Variants in FOXA2 observed in about 807,000 individuals in gnomAD.
FOXA2 encodes the protein hepatocyte nuclear factor 3-beta.
Under a neutral mutation model 33.3 loss-of-function variants are expected in FOXA2, and 9 were observed. That is an observed-to-expected ratio of 0.27 (90% CI 0.16 to 0.47). The LOEUF is 0.47. Ranked by LOEUF, FOXA2 falls within the 20% of genes least tolerant of loss-of-function variation. FOXA2 has a pLI of 0.99. For missense variants in FOXA2, 704 were observed against 659.9 expected (o/e 1.07, Z -0.73); for synonymous variants, 329 against 289.4 (o/e 1.14, Z -1.39).
At position 22,582,189 on chromosome 20, in the gene FOXA2, G is replaced by C. The variant is rs562230926; in HGVS notation, c.1053C>G (p.Ala351=). The C allele has an allele frequency of 2.1e-4, 330 of 1,551,538 alleles. 2 individuals carry two copies. In the South Asian group the frequency reaches 3.7e-3, roughly 17 times the overall value. ...PAPSPGQQQQ[A]AAHLLGPPHH... is the part of the protein sequence containing the mutation. ...GGGGCGGGCCCAGCAGGTGGGCCGC[G>C]GCCTGCTGCTGCTGCCCGGGAGAGG... is the stretch of plus-strand genomic sequence containing the variant. Residue 351 remains alanine (A), a synonymous_variant, in exon 2 of 2, where the codon GCC becomes GCG. Coordinates refer to ENST00000419308, the MANE Select transcript of FOXA2 (RefSeq NM_021784.5).
intron 1 of FOXA2, among the ~76,000 whole-genome samples, chr20:22,583,403 C>A (rs1426308663): frequency 3.3e-5 from 5 of 152,232 alleles, no homozygotes; most frequent in Non-Finnish European, 5.9e-5. Context: ...TTCTCCACCT[C>A]GCCCAGATTC....
Position 22,582,831 on chromosome 20 carries a change from G to T in FOXA2, c.411C>A (p.Asn137Lys), listed in dbSNP as rs370472927. ...MGGLAPYANM[N>K]SMSPMYGQAG... The stretch of plus-strand genomic sequence containing the variant: ...CCTGCCCGTACATGGGGCTCATGGA[G>T]TTCATGTTGGCGTAGGGGGCCAGGC... Residue 137 changes from asparagine (N) to lysine (K), a missense_variant, in exon 2 of 2, where the codon AAC (asparagine) becomes AAA (lysine). Around this residue, in one of 5 missense-constraint regions of FOXA2, gnomAD observed 304 missense variants for 251.7 expected, o/e 1.21. Transcript: ENST00000419308. The T allele has an allele frequency of 2.5e-6, 4 of 1,608,846 alleles. No homozygotes were observed. The African/African-American group carries it at 4.0e-5, about 16-fold the overall frequency.
Position 22,581,974 on chromosome 20 carries a change from G to C in FOXA2, c.1268C>G (p.Pro423Arg). The stretch of plus-strand genomic sequence containing the variant: ...GCCCATGGCCAAGCTGCCAGGCATG[G>C]GGGAACCGTAGCCGGGGTAGTGCAT... ...QVMHYPGYGS[P>R]MPGSLAMGPV... The change falls in exon 2 of 2, where the codon CCC becomes CGC. Residue 423 changes from proline to arginine, a missense_variant. Coordinates refer to ENST00000419308, the MANE Select transcript of FOXA2 (RefSeq NM_021784.5). 6.2e-7 allele frequency: 1 copy of C among 1,613,680 alleles called. No homozygotes were observed.
rs759502002 is a variant in FOXA2, at chr20:22,581,716, G to C, written c.*134C>G. On this transcript the variant is annotated 3_prime_UTR_variant, in exon 2 of 2. Transcript: ENST00000419308. ...AGACTGCTGTCTTGGGGGTGTTGGG[G>C]TGGGGGTGTTATGGATTTCTTCTCC... 1.6e-5 allele frequency: 13 copies of C among 807,976 alleles called. No homozygotes were observed. The highest frequency in any genetic ancestry group is 2.7e-5 in the Non-Finnish European group (13 of 488,978). 50.1% of individuals were successfully genotyped at this position (807,976 alleles called of 1,614,324 possible).
chr20:22,582,443 G>A lies in FOXA2; in HGVS notation c.799C>T (p.Leu267=). ...RQKRFKCEKQ[L]ALKEAAGAAG... is the part of the protein sequence containing the mutation. ...GCGCCTGCGGCCTCCTTCAGCGCCA[G>A]CTGCTTCTCGCACTTGAAGCGCTTC... The change falls in exon 2 of 2, where the codon CTG becomes TTG. Residue 267 remains leucine, a synonymous_variant. Coordinates refer to ENST00000419308, the MANE Select transcript of FOXA2 (RefSeq NM_021784.5). 6.2e-7 allele frequency: 1 copy of A among 1,607,750 alleles called. No individual in the cohort carries two copies. Among genetic ancestry groups the A allele is most frequent in the African/African-American group, 1.3e-5 (1 of 74,768 alleles).
upstream of FOXA2, among the ~76,000 whole-genome samples, chr20:22,585,007 GC>G (rs568239960): frequency 4.3e-3 from 659 of 152,216 alleles, 6 homozygotes; most frequent in African/African-American, 0.015. Flanking sequence ...CGGGTCCACA[GC>G]GAGTCCCCTG....
rs1244061186 is a variant in FOXA2, at chr20:22,584,359, A to G, written c.-81T>C. The G allele has an allele frequency of 7.4e-5, 88 of 1,195,102 alleles. No homozygotes were observed. Among genetic ancestry groups the G allele is most frequent in the Non-Finnish European group, 1.0e-4 (83 of 821,740 alleles). The allele number at this position is 1,195,102 out of a possible 1,614,324, so 74.0% of individuals were successfully genotyped here. A position where few individuals can be genotyped will look rare whatever the true frequency, so the allele number is the denominator to read the frequency against. ...ACCCTCTTTTAAAAAAAAGTCAGCC[A>G]AAGCACCGTCCCCTCCTCCCTCCCT... On this transcript the variant is annotated 5_prime_UTR_variant, in exon 1 of 2. Transcript: ENST00000419308.
intron 1 of FOXA2, 111 bp downstream of exon 1, chr20:22,584,081 G>A: frequency 2.9e-6 from 3 of 1,028,836 alleles, no homozygotes; most frequent in Admixed American, 1.7e-5. Context: ...GCCCAGAAAG[G>A]CTGGGGTTGT....
Position 22,583,139 on chromosome 20 carries a change from T to G in FOXA2, c.103A>C (p.Ser35Arg). 1.9e-6 allele frequency: 3 copies of G among 1,602,794 alleles called. No individual in the cohort carries two copies. The highest frequency in any genetic ancestry group is 2.5e-6 in the Non-Finnish European group (3 of 1,179,792). ...YAEPEGYSSV[S>R]NMNAGLGMNG... Reference sequence around the variant, plus strand: ...ATCCCCAGGCCGGCGTTCATGTTGCTCACGGAGGAGTAGCCCTGCGGACAG... The same window carrying G: ...ATCCCCAGGCCGGCGTTCATGTTGCGCACGGAGGAGTAGCCCTGCGGACAG... The change falls in exon 2 of 2, where the codon AGC becomes CGC. Residue 35 changes from serine (S) to arginine (R), a missense_variant. This residue lies in a region of FOXA2 where 304 missense variants were observed against 251.7 expected (regional missense o/e 1.21). Coordinates refer to ENST00000419308, the MANE Select transcript of FOXA2 (RefSeq NM_021784.5).
rs1043986329 is a variant in FOXA2 at position 22,581,681 on chromosome 20, C to G, written c.*169G>C. Reference sequence around the variant, plus strand: ...TCTGTTTGGGACGGAACGGCTGCAGCGGGTGAAGAAGACTGCTGTCTTGGG... The same window carrying G: ...TCTGTTTGGGACGGAACGGCTGCAGGGGGTGAAGAAGACTGCTGTCTTGGG... On this transcript the variant is annotated 3_prime_UTR_variant, in exon 2 of 2. Coordinates refer to ENST00000419308, the MANE Select transcript of FOXA2 (RefSeq NM_021784.5). 2 of 617,690 alleles carry G rather than the reference C, an allele frequency of 3.2e-6. No homozygotes were observed. Among genetic ancestry groups the G allele is most frequent in the Non-Finnish European group, 5.7e-6 (2 of 353,894 alleles). The allele number at this position is 617,690 out of a possible 1,614,324, so 38.3% of individuals were successfully genotyped here.
At position 22,582,942 on chromosome 20, in the gene FOXA2, G is replaced by A. The variant is rs1039298494; in HGVS notation, c.300C>T (p.Ala100=). The A allele has an allele frequency of 6.4e-7, 1 of 1,557,612 alleles. No homozygotes were observed. The highest frequency in any genetic ancestry group is 8.6e-7 in the Non-Finnish European group (1 of 1,157,198). Residue 100 remains alanine, a synonymous_variant, in exon 2 of 2, where the codon GCC becomes GCT. Coordinates refer to ENST00000419308, the MANE Select transcript of FOXA2 (RefSeq NM_021784.5). ...AGAMAGMGGS[A]GAAGVAGMGP... ...CCATGCCCGCCACGCCGGCCGCCCC[G>A]GCCGAGCCGCCCATGCCCGCCATGG...
intron 1 of FOXA2, 34 bp downstream of exon 1, chr20:22,584,158 G>A: frequency 1.9e-6 from 3 of 1,599,740 alleles, no homozygotes. Context: ...GAGCGCCGCC[G>A]CTCCACTTCC....
At position 22,582,946 on chromosome 20, in the gene FOXA2, G is replaced by C. The variant is rs200457711; in HGVS notation, c.296C>G (p.Ser99Trp). 6.4e-7 allele frequency: 1 copy of C among 1,570,028 alleles called. No homozygotes were observed. The highest frequency in any genetic ancestry group is 8.6e-7 in the Non-Finnish European group (1 of 1,163,306). The change falls in exon 2 of 2, where the codon TCG becomes TGG. Residue 99 changes from serine (S) to tryptophan (W), a missense_variant. This residue lies in a region of FOXA2 where 304 missense variants were observed against 251.7 expected (regional missense o/e 1.21). Coordinates refer to ENST00000419308, the MANE Select transcript of FOXA2 (RefSeq NM_021784.5). ...GAGAMAGMGG[S>W]AGAAGVAGMG... ...GCCCGCCACGCCGGCCGCCCCGGCC[G>C]AGCCGCCCATGCCCGCCATGGCGCC... is the stretch of plus-strand genomic sequence containing the variant.
chr20:22,582,996 G>C lies in FOXA2; in HGVS notation c.246C>G (p.Ser82=), dbSNP rs1219756048. The C allele has an allele frequency of 1.6e-5, 26 of 1,607,068 alleles. No individual in the cohort carries two copies. In the Admixed American group the frequency reaches 4.3e-4, roughly 27 times the overall value. Residue 82 remains serine, a synonymous_variant, in exon 2 of 2, where the codon TCC becomes TCG. Coordinates refer to ENST00000419308, the MANE Select transcript of FOXA2 (RefSeq NM_021784.5). ...SSYVGAGMSP[S]LAGMSPGAGA... Reference sequence around the variant, plus strand: ...CCGCGCCGGGGGACATCCCCGCCAGGGACGGGCTCATGCCAGCGCCCACGT... The same window carrying C: ...CCGCGCCGGGGGACATCCCCGCCAGCGACGGGCTCATGCCAGCGCCCACGT...
chr20:22,582,537 C>T lies in FOXA2; in HGVS notation c.705G>A (p.Lys235=), dbSNP rs1457507692. The change falls in exon 2 of 2, where the codon AAG becomes AAA. Residue 235 remains lysine (K), a synonymous_variant. Transcript: ENST00000419308. ...CAGGGTGCAGGGTCCAGAAGGAGCCCTTGCCGGGCTTGTCGGGCGAGCGGG... is the reference window on the plus strand; with the variant it reads ...CAGGGTGCAGGGTCCAGAAGGAGCCTTTGCCGGGCTTGTCGGGCGAGCGGG... The part of the protein sequence containing the change: ...KVPRSPDKPG[K]GSFWTLHPDS... 2 of 1,614,014 alleles carry T rather than the reference C, an allele frequency of 1.2e-6. No individual in the cohort carries two copies. The highest frequency in any genetic ancestry group is 1.7e-5 in the Admixed American group (1 of 60,012).
rs1984572190 is a variant in FOXA2 at position 22,581,595 on chromosome 20, T to A, written c.*255A>T. ...AGTAGTGGAAACCGGAGGCTTTTTT[T>A]TAACTTTATATTCTTTCCCGTTTTC... On this transcript the variant is annotated 3_prime_UTR_variant, in exon 2 of 2. Transcript: ENST00000419308. 2.7e-6 allele frequency: 1 copy of A among 372,988 alleles called. No homozygotes were observed. The highest frequency in any genetic ancestry group is 4.8e-6 in the Non-Finnish European group (1 of 208,476). The allele number at this position is 372,988 out of a possible 1,614,324, so 23.1% of individuals were successfully genotyped here.
In FOXA2 at chr20:22,583,116, C is replaced by T. The variant is rs1480310047; in HGVS notation, c.126G>A (p.Gly42=). Residue 42 remains glycine (G), a synonymous_variant, in exon 2 of 2, where the codon GGG becomes GGA. Coordinates refer to ENST00000419308, the MANE Select transcript of FOXA2 (RefSeq NM_021784.5). ...TCATGTACGTGTTCATGCCGTTCAT[C>T]CCCAGGCCGGCGTTCATGTTGCTCA... ...SSVSNMNAGL[G]MNGMNTYMSM... The T allele has an allele frequency of 2.5e-6, 4 of 1,606,302 alleles. No individual in the cohort carries two copies. Among genetic ancestry groups the T allele is most frequent in the Admixed American group, 1.7e-5 (1 of 60,002 alleles).
Position 22,581,765 on chromosome 20 carries a change from C to A in FOXA2, c.*85G>T. 2.3e-6 allele frequency: 3 copies of A among 1,318,304 alleles called. No homozygotes were observed. The highest frequency in any genetic ancestry group is 3.2e-6 in the Non-Finnish European group (3 of 927,544). 81.7% of individuals were successfully genotyped at this position (1,318,304 alleles called of 1,614,324 possible). ...CCCTTGCGTCTCTGCAACACCGTCT[C>A]CCCAAAGTCTCGACCCCCACTTGCT... On this transcript the variant is annotated 3_prime_UTR_variant, in exon 2 of 2. Transcript: ENST00000419308.
chr20:22,582,331 G>C lies in FOXA2; in HGVS notation c.911C>G (p.Pro304Arg). The part of the protein sequence containing the change: ...GEAAGPASET[P>R]AGTESPHSSA... The stretch of plus-strand genomic sequence containing the variant: ...CGAGTGAGGCGACTCGGTGCCCGCC[G>C]GAGTCTCGGAGGCCGGCCCGGCGGC... Residue 304 changes from proline to arginine, a missense_variant, in exon 2 of 2, where the codon CCG (proline) becomes CGG (arginine). Physicochemically the swap from Pro to Arg is moderately radical, Grantham distance 103. Transcript: ENST00000419308. 6.8e-7 allele frequency: 1 copy of C among 1,477,950 alleles called. No individual in the cohort carries two copies. Among genetic ancestry groups the C allele is most frequent in the Non-Finnish European group, 8.9e-7 (1 of 1,123,274 alleles). 91.6% of individuals were successfully genotyped at this position (1,477,950 alleles called of 1,614,324 possible). A position where few individuals can be genotyped will look rare whatever the true frequency, so the allele number is the denominator to read the frequency against.
Sources: gnomAD v4.1 joint callset for allele counts (sites outside exome capture counted in the v4.1 genomes callset) on GRCh38, gnomAD v4.1.1 for gene constraint, gnomAD v4.1.1 regional missense constraint, MANE v1.5 for transcripts, NCBI Gene and HGNC (gene_info 2026-07-23, HGNC 2026-07-21) for gene names.